The following ADAMTS18 variants were observed in gnomAD, a reference collection of about 807,000 sequenced individuals.
ADAMTS18 encodes A disintegrin and metalloproteinase with thrombospondin motifs 18.
In ADAMTS18, 157 loss-of-function variants were observed where a neutral mutation model predicts 165.9. The observed-to-expected ratio is 0.95, with a 90% CI of 0.83 to 1.08. ADAMTS18 has a LOEUF of 1.08. ADAMTS18 is among the 50% of genes least tolerant of loss of function. The probability of loss-of-function intolerance (pLI) is 0.00; values close to 1 mark genes in which losing one functional copy is unlikely to be tolerated. For synonymous variants in ADAMTS18, 782 were observed against 578.2 expected (o/e 1.35, Z -5.06); for missense variants, 2,040 against 1,534.0 (o/e 1.33, Z -5.51).
chr16:77,291,436 T>G lies in ADAMTS18; in HGVS notation c.3232A>C (p.Lys1078Gln), dbSNP rs769844220. Reference sequence around the variant, plus strand: ...CCCTGGAAGCCCTTCTCGCTGCACTTCATCTCCCTCTTCCTCACACCCAAA... The same window carrying G: ...CCCTGGAAGCCCTTCTCGCTGCACTGCATCTCCCTCTTCCTCACACCCAAA... ...CGLGVRKREM[K>Q]CSEKGFQGKL... Residue 1078 changes from lysine to glutamine, a missense_variant, in exon 21 of 23, where the codon AAG becomes CAG. Physicochemically the swap from Lys to Gln is moderately conservative, Grantham distance 53. Coordinates refer to ENST00000282849, the MANE Select transcript of ADAMTS18 (RefSeq NM_199355.4). 1 of 1,614,190 alleles carries G rather than the reference T, an allele frequency of 6.2e-7. No individual in the cohort carries two copies. Among genetic ancestry groups the G allele is most frequent in the South Asian group, 1.1e-5 (1 of 91,080 alleles).
Position 77,367,547 on chromosome 16 carries a change from A to G in ADAMTS18, c.672T>C (p.Tyr224=). The G allele has an allele frequency of 6.2e-7, 1 of 1,614,228 alleles. No homozygotes were observed. Among genetic ancestry groups the G allele is most frequent in the Non-Finnish European group, 8.5e-7 (1 of 1,180,048 alleles). The change falls in exon 4 of 23, where the codon TAT becomes TAC. Residue 224 remains tyrosine, a synonymous_variant. Coordinates refer to ENST00000282849, the MANE Select transcript of ADAMTS18 (RefSeq NM_199355.4). ...YRGYPGSGRN[Y]PGYSPSHIPH... is the part of the protein sequence containing the mutation. ...GAATGTGACTTGGGGAGTAACCAGG[A>G]TAATTCCGGCCAGAGCCGGGGTAGC...
intron 3 of ADAMTS18, among the ~76,000 whole-genome samples, chr16:77,400,485 G>GT (rs71137813): frequency 0.25 from 28,570 of 114,606 alleles, 3,656 homozygotes; most frequent in Non-Finnish European, 0.32. Flanking sequence ...TGTGTGTTTT[G>GT]TTTTTTTTTT....
intron 19 of ADAMTS18, among the ~76,000 whole-genome samples, chr16:77,293,592 C>T (rs2055409795): frequency 6.6e-6 from 1 of 151,782 alleles, no homozygotes; most frequent in Non-Finnish European, 1.5e-5. Context: ...CAAAAATATT[C>T]TCTCTCCCTC....
chr16:77,333,920 C>T (rs2056233371), intron 12 of ADAMTS18, among the ~76,000 whole-genome samples: 1 of 141,490 alleles, frequency 7.1e-6, no homozygotes, highest in African/African-American at 2.6e-5. Flanking sequence ...GTCCTATATA[C>T]TAAATATAAA....
chr16:77,307,900 C>T (rs536806345), intron 16 of ADAMTS18, among the ~76,000 whole-genome samples: 78 of 152,320 alleles, frequency 5.1e-4, no homozygotes, highest in Non-Finnish European at 9.1e-4. Flanking sequence ...GGTGCTCACA[C>T]TGTCATCTCA....
intron 3 of ADAMTS18, among the ~76,000 whole-genome samples, chr16:77,387,182 C>A (rs2057119732): frequency 6.6e-6 from 1 of 152,168 alleles, no homozygotes; most frequent in Admixed American, 6.5e-5. Flanking sequence ...ACTTTTTCCT[C>A]CTGCTGTCAT....
Position 77,300,328 on chromosome 16 carries a change from G to T in ADAMTS18, c.2609C>A (p.Ala870Asp), listed in dbSNP as rs773021071. 46 of 1,613,912 alleles carry T rather than the reference G, an allele frequency of 2.9e-5. No individual in the cohort carries two copies. Among genetic ancestry groups the T allele is most frequent in the Non-Finnish European group, 3.7e-5 (44 of 1,179,974 alleles). Residue 870 changes from alanine (A) to aspartate (D), a missense_variant, in exon 17 of 23, where the codon GCC becomes GAC. Ala to Asp is a moderately radical substitution (Grantham distance 126). Coordinates refer to ENST00000282849, the MANE Select transcript of ADAMTS18 (RefSeq NM_199355.4). ...LPKVMNGTPP[A>D]TKRPAYTWSI... ...CCAGGTATAGGCAGGTCTTTTTGTG[G>T]CTGGTGGAGTTCCATTCATGACCTT...
chr16:77,341,090 G>A lies in ADAMTS18; in HGVS notation c.1710+614C>T, dbSNP rs528999833. Among the ~76,000 whole-genome samples the A allele has an allele frequency of 1.2e-4, 19 of 152,186 alleles. No individual in the cohort carries two copies. The South Asian group carries it at 1.7e-3, about 13-fold the overall frequency. ...TCCCTCCAGACTCTATTGAGAAAGA[G>A]GAAGAAAAATAGAAATATATGAGAG... On this transcript the variant is annotated intron_variant, in intron 11 of 22. Transcript: ENST00000282849.
At chr16:77,323,347 TAA>T (rs1470342865) in intron 13 of ADAMTS18, among the ~76,000 whole-genome samples, 1 of 152,094 alleles carries the variant, frequency 6.6e-6, no homozygotes, top group Admixed American at 6.5e-5. Context: ...AAAGACAAAC[TAA>T]AAACTCAAAC....
chr16:77,394,737 A>G (rs2057234834), intron 3 of ADAMTS18, among the ~76,000 whole-genome samples: 1 of 152,212 alleles, frequency 6.6e-6, no homozygotes, highest in South Asian at 2.1e-4. Context: ...CAATTCTTAT[A>G]TTTTTGGAAT....
rs535752758 is a variant in ADAMTS18 at position 77,372,435 on chromosome 16, A to G, written c.496-4712T>C. Among the ~76,000 whole-genome samples the G allele has an allele frequency of 3.3e-5, 5 of 152,356 alleles. No homozygotes were observed. The East Asian group carries it at 9.6e-4, about 29-fold the overall frequency. ...AATGGAATACTATCCAGCCATTAAG[A>G]TCATGAAATCTTGTAATTTGTGGTA... On this transcript the variant is annotated intron_variant, in intron 3 of 22. Transcript: ENST00000282849.
intron 17 of ADAMTS18, among the ~76,000 whole-genome samples, chr16:77,297,838 G>T (rs996591969): frequency 6.7e-6 from 1 of 148,868 alleles, no homozygotes; most frequent in Non-Finnish European, 1.5e-5. Flanking sequence ...TACTTCTTAA[G>T]AGCATGGGGC....
chr16:77,376,996 G>A (rs1345013293), intron 3 of ADAMTS18, among the ~76,000 whole-genome samples: 1 of 151,822 alleles, frequency 6.6e-6, no homozygotes, highest in East Asian at 1.9e-4. Context: ...TGTATTTTTA[G>A]TAGAGATGAG....
At chr16:77,383,489 T>C (rs1597205608) in intron 3 of ADAMTS18, among the ~76,000 whole-genome samples, 1 of 152,234 alleles carries the variant, frequency 6.6e-6, no homozygotes, top group East Asian at 1.9e-4. Context: ...GTGCCTAGAA[T>C]GCTCTTCCCC....
At chr16:77,414,150 A>C (rs1012825287) in intron 3 of ADAMTS18, among the ~76,000 whole-genome samples, 11 of 152,244 alleles carry the variant, frequency 7.2e-5, no homozygotes, top group African/African-American at 2.7e-4. Flanking sequence ...ACCTGTCCAC[A>C]TCAGAGTATT....
In ADAMTS18 at chr16:77,314,753, CATATATATATATATATATATAT is replaced by C. The variant is rs36191323; in HGVS notation, c.2532+5074_2532+5095del. ...GTTTGCTAAATATGGTCTCAGGTTT[CATATATATATATATATATATAT>C]ATATATATATAAAATATATGTGATA... On this transcript the variant is annotated intron_variant, in intron 16 of 22. Coordinates refer to ENST00000282849, the MANE Select transcript of ADAMTS18 (RefSeq NM_199355.4). 6.2e-4 allele frequency among the ~76,000 whole-genome samples: 23 copies of C among 36,902 alleles called. 1 individual carries two copies. Among genetic ancestry groups the C allele is most frequent in the South Asian group, 8.5e-4 (1 of 1,178 alleles). 24.2% of individuals were successfully genotyped at this position (36,902 alleles called of 152,430 possible).
At chr16:77,388,524 G>T (rs375084046) in intron 3 of ADAMTS18, among the ~76,000 whole-genome samples, 2 of 152,190 alleles carry the variant, frequency 1.3e-5, no homozygotes, top group South Asian at 2.1e-4. Flanking sequence ...TCTACTGCTT[G>T]TAAGGCGTGT....
chr16:77,363,110 A>T (rs1307920026), intron 6 of ADAMTS18, among the ~76,000 whole-genome samples: 1 of 152,222 alleles, frequency 6.6e-6, no homozygotes, highest in African/African-American at 2.4e-5. Context: ...CTTAAAAAAT[A>T]GCCATTTGAA....
chr16:77,289,143 C>T (rs977842758), intron 22 of ADAMTS18, 121 bp downstream of exon 22: 8 of 1,309,766 alleles, frequency 6.1e-6, no homozygotes, highest in Non-Finnish European at 8.7e-6. Flanking sequence ...GTCACATAGA[C>T]TTCGGGTGAA....
Sources: gnomAD v4.1 joint callset for allele counts (sites outside exome capture counted in the v4.1 genomes callset) on GRCh38, gnomAD v4.1.1 for gene constraint, MANE v1.5 for transcripts, NCBI Gene and HGNC (gene_info 2026-07-23, HGNC 2026-07-21) for gene names.